The following AP5S1 variants were observed in gnomAD, a reference collection of about 807,000 sequenced individuals.
AP5S1 encodes adaptor related protein complex 5 subunit sigma 1.
AP5S1 carries 13 observed loss-of-function variants against 13.9 expected under a neutral mutation model. The observed-to-expected ratio is 0.94, with a 90% CI of 0.61 to 1.49. The LOEUF is 1.49. Among genes scored for constraint, AP5S1 ranks in the 40% most tolerant of loss-of-function variants. The pLI, the probability that AP5S1 is intolerant of heterozygous loss-of-function variation, is 0.00. For missense variants in AP5S1, 292 were observed against 272.3 expected (o/e 1.07, Z -0.51); for synonymous variants, 132 against 121.8 (o/e 1.08, Z -0.55).
Position 3,826,577 on chromosome 20 carries a change from G to A in AP5S1, c.*2280G>A, listed in dbSNP as rs1266443186. Reference sequence around the variant, plus strand: ...GCTGTGGGAAGTTGAGGTTAGGCGTGGCTGGTGGCCTGGTTCTCATGAGGT... The same window carrying A: ...GCTGTGGGAAGTTGAGGTTAGGCGTAGCTGGTGGCCTGGTTCTCATGAGGT... On this transcript the variant is annotated 3_prime_UTR_variant, in exon 3 of 3. Coordinates refer to ENST00000615891, the MANE Select transcript of AP5S1 (RefSeq NM_018347.3). 2 of 152,246 alleles carry A rather than the reference G, an allele frequency of 1.3e-5. No homozygotes were observed. The highest frequency in any genetic ancestry group is 2.9e-5 in the Non-Finnish European group (2 of 68,078). 9.4% of individuals were successfully genotyped at this position (152,246 alleles called of 1,614,324 possible).
rs1204437312 is a variant in AP5S1 at position 3,827,953 on chromosome 20, G to C, written c.*3656G>C. 6.6e-6 allele frequency: 1 copy of C among 151,806 alleles called. No homozygotes were observed. Among genetic ancestry groups the C allele is most frequent in the Non-Finnish European group, 1.5e-5 (1 of 67,976 alleles). 9.4% of individuals were successfully genotyped at this position (151,806 alleles called of 1,614,324 possible). ...ATTTTTGTATCTTTAGTAGAGACAGGGTTTCACCGTGTTGGCCAGGCTGGT... is the reference window on the plus strand; with the variant it reads ...ATTTTTGTATCTTTAGTAGAGACAGCGTTTCACCGTGTTGGCCAGGCTGGT... On this transcript the variant is annotated 3_prime_UTR_variant, in exon 3 of 3. Coordinates refer to ENST00000615891, the MANE Select transcript of AP5S1 (RefSeq NM_018347.3).
rs2089607243 is a variant in AP5S1, at chr20:3,824,139, C to T, written c.445C>T (p.His149Tyr). Reference sequence around the variant, plus strand: ...GCTGCTGACACGCCTCCTCCTTGACCACCTCCGGCTGCTGGCGCCCAGCAC... The same window carrying T: ...GCTGCTGACACGCCTCCTCCTTGACTACCTCCGGCTGCTGGCGCCCAGCAC... ...LRLLTRLLLD[H>Y]LRLLAPSTSL... Residue 149 changes from histidine (H) to tyrosine (Y), a missense_variant, in exon 3 of 3, where the codon CAC becomes TAC. Transcript: ENST00000615891. 4 of 1,613,888 alleles carry T rather than the reference C, an allele frequency of 2.5e-6. No individual in the cohort carries two copies. The highest frequency in any genetic ancestry group is 3.3e-5 in the Admixed American group (2 of 60,004).
Position 3,824,596 on chromosome 20 carries a change from T to C in AP5S1, c.*299T>C, listed in dbSNP as rs1357060212. The C allele has an allele frequency of 9.7e-6, 4 of 413,978 alleles. No homozygotes were observed. Among genetic ancestry groups the C allele is most frequent in the Non-Finnish European group, 1.8e-5 (4 of 225,610 alleles). The allele number at this position is 413,978 out of a possible 1,614,324, so 25.6% of individuals were successfully genotyped here. ...CTCCATCCCTGCCAGCCGATAGTGCTAGGGTGAGGAGCTGCCTGGAGCTCA... is the reference window on the plus strand; with the variant it reads ...CTCCATCCCTGCCAGCCGATAGTGCCAGGGTGAGGAGCTGCCTGGAGCTCA... On this transcript the variant is annotated 3_prime_UTR_variant, in exon 3 of 3. Transcript: ENST00000615891.
Position 3,828,745 on chromosome 20 carries a change from T to C in AP5S1, c.*4448T>C, listed in dbSNP as rs772065842. 2.6e-5 allele frequency: 4 copies of C among 152,244 alleles called. No homozygotes were observed. Among genetic ancestry groups the C allele is most frequent in the Non-Finnish European group, 4.4e-5 (3 of 68,046 alleles). 9.4% of individuals were successfully genotyped at this position (152,244 alleles called of 1,614,324 possible). On this transcript the variant is annotated 3_prime_UTR_variant, in exon 3 of 3. Transcript: ENST00000615891. ...TTTTGGAAGTACTGCTGAATAGTATTCCATTATGTGGATGTACATTATCTG... is the reference window on the plus strand; with the variant it reads ...TTTTGGAAGTACTGCTGAATAGTATCCCATTATGTGGATGTACATTATCTG...
At position 3,825,309 on chromosome 20, in the gene AP5S1, T is replaced by C. The variant is rs1179356933; in HGVS notation, c.*1012T>C. ...CACTGGCTGTGTGATTTTACCCTCTTTCTGTGAGTTTGATGCGTGCATCCT... is the reference window on the plus strand; with the variant it reads ...CACTGGCTGTGTGATTTTACCCTCTCTCTGTGAGTTTGATGCGTGCATCCT... On this transcript the variant is annotated 3_prime_UTR_variant, in exon 3 of 3. Transcript: ENST00000615891. 1.3e-5 allele frequency: 2 copies of C among 152,258 alleles called. No individual in the cohort carries two copies. Among genetic ancestry groups the C allele is most frequent in the Non-Finnish European group, 2.9e-5 (2 of 68,076 alleles). The allele number at this position is 152,258 out of a possible 1,614,324, so 9.4% of individuals were successfully genotyped here. A position where few individuals can be genotyped will look rare whatever the true frequency, so the allele number is the denominator to read the frequency against.
chr20:3,820,575 G>C lies in AP5S1; in HGVS notation c.-200G>C, dbSNP rs1350414165. 1.3e-5 allele frequency: 2 copies of C among 152,208 alleles called. No individual in the cohort carries two copies. Among genetic ancestry groups the C allele is most frequent in the Non-Finnish European group, 2.9e-5 (2 of 68,036 alleles). 9.4% of individuals were successfully genotyped at this position (152,208 alleles called of 1,614,324 possible). A position where few individuals can be genotyped will look rare whatever the true frequency, so the allele number is the denominator to read the frequency against. ...GCCGCCATTGCTCTCCTGCCACGGA[G>C]GGGAGCGCTTGGTGGCAGTCCGCGG... On this transcript the variant is annotated 5_prime_UTR_variant, in exon 1 of 3. Transcript: ENST00000615891.
chr20:3,822,053 C>T (rs1042436947), intron 1 of AP5S1, 49 bp from the exon 2 acceptor site: 5 of 1,575,800 alleles, frequency 3.2e-6, no homozygotes, highest in African/African-American at 1.3e-5. Flanking sequence ...GGTCGCCTCT[C>T]CTGCTGGGGT....
In AP5S1 at chr20:3,826,632, GA is replaced by G. The variant is rs1455236755; in HGVS notation, c.*2336del. The G allele has an allele frequency of 2.6e-5, 4 of 152,236 alleles. No individual in the cohort carries two copies. Among genetic ancestry groups the G allele is most frequent in the Non-Finnish European group, 5.9e-5 (4 of 68,076 alleles). 9.4% of individuals were successfully genotyped at this position (152,236 alleles called of 1,614,324 possible). A position where few individuals can be genotyped will look rare whatever the true frequency, so the allele number is the denominator to read the frequency against. On this transcript the variant is annotated 3_prime_UTR_variant, in exon 3 of 3. Transcript: ENST00000615891. ...CAAACTGATGGACAAGAGAATAGTA[GA>G]GACTGAGACCACACCGTGGGGCTGC...
In AP5S1 at chr20:3,828,255, A is replaced by G. The variant is rs2089635592; in HGVS notation, c.*3958A>G. The G allele has an allele frequency of 6.6e-6, 1 of 152,232 alleles. No homozygotes were observed. Among genetic ancestry groups the G allele is most frequent in the Non-Finnish European group, 1.5e-5 (1 of 68,044 alleles). The allele number at this position is 152,232 out of a possible 1,614,324, so 9.4% of individuals were successfully genotyped here. A position where few individuals can be genotyped will look rare whatever the true frequency, so the allele number is the denominator to read the frequency against. On this transcript the variant is annotated 3_prime_UTR_variant, in exon 3 of 3. Coordinates refer to ENST00000615891, the MANE Select transcript of AP5S1 (RefSeq NM_018347.3). ...TTTTAGGTTCACAGTAAAACTGAGC[A>G]GAGGGTACAGAGAGTTCTCATTTAC...
rs2089588216 is a variant in AP5S1, at chr20:3,822,182, G to A, written c.65G>A (p.Arg22Gln). ...AATACTGAGGACACGGGCCTTTGCCGAGTGCTGTACTCCTGCGTCTTCGGT... is the reference window on the plus strand; with the variant it reads ...AATACTGAGGACACGGGCCTTTGCCAAGTGCTGTACTCCTGCGTCTTCGGT... ...APNTEDTGLC[R>Q]VLYSCVFGAE... Residue 22 changes from arginine (R) to glutamine (Q), a missense_variant, in exon 2 of 3, where the codon CGA becomes CAA. Coordinates refer to ENST00000615891, the MANE Select transcript of AP5S1 (RefSeq NM_018347.3). The A allele has an allele frequency of 6.2e-6, 10 of 1,614,144 alleles. No homozygotes were observed. The highest frequency in any genetic ancestry group is 6.8e-6 in the Non-Finnish European group (8 of 1,180,034).
At position 3,822,087 on chromosome 20, in the gene AP5S1, C is replaced by G. The variant is rs531432303; in HGVS notation, c.-16-15C>G. 1.1e-5 allele frequency: 18 copies of G among 1,606,678 alleles called. No individual in the cohort carries two copies. The highest frequency in any genetic ancestry group is 6.7e-5 in the African/African-American group (5 of 74,888). ...GTTCACTCTCACCTTACCAATGTCTCTGGCTTCCCTGTAGCACCCACCCTG... is the reference window on the plus strand; with the variant it reads ...GTTCACTCTCACCTTACCAATGTCTGTGGCTTCCCTGTAGCACCCACCCTG... On this transcript the variant is annotated splice_polypyrimidine_tract_variant and intron_variant, in intron 1 of 2. Transcript: ENST00000615891.
At position 3,825,891 on chromosome 20, in the gene AP5S1, T is replaced by C. The variant is rs2089621651; in HGVS notation, c.*1594T>C. On this transcript the variant is annotated 3_prime_UTR_variant, in exon 3 of 3. Transcript: ENST00000615891. ...ATGTTGAGTCCCAAAGGGATATGGG[T>C]GGGGTACCAAAAGTCGGTGGTTAGG... 1 of 142,360 alleles carries C rather than the reference T, an allele frequency of 7.0e-6. No individual in the cohort carries two copies. Among genetic ancestry groups the C allele is most frequent in the Non-Finnish European group, 1.5e-5 (1 of 66,792 alleles). The allele number at this position is 142,360 out of a possible 1,614,324, so 8.8% of individuals were successfully genotyped here. A position where few individuals can be genotyped will look rare whatever the true frequency, so the allele number is the denominator to read the frequency against.
In AP5S1 at chr20:3,824,687, C is replaced by T. The variant is rs2089612486; in HGVS notation, c.*390C>T. On this transcript the variant is annotated 3_prime_UTR_variant, in exon 3 of 3. Coordinates refer to ENST00000615891, the MANE Select transcript of AP5S1 (RefSeq NM_018347.3). ...GTGGCTCACGCCTGTAATCCCAGCA[C>T]TTTGCGGGGCTGAGGTGGTTGGACC... 1 of 209,812 alleles carries T rather than the reference C, an allele frequency of 4.8e-6. No homozygotes were observed. Among genetic ancestry groups the T allele is most frequent in the Non-Finnish European group, 9.6e-6 (1 of 103,808 alleles). The allele number at this position is 209,812 out of a possible 1,614,324, so 13.0% of individuals were successfully genotyped here.
intron 2 of AP5S1, chr20:3,823,460 C>A (rs1299510713): frequency 2.5e-6 from 2 of 793,024 alleles, no homozygotes; most frequent in Non-Finnish European, 3.1e-6. Context: ...ACTATGTTAG[C>A]CAGGATGGTC....
chr20:3,822,024 C>G (rs1242976775), intron 1 of AP5S1, 78 bp from the exon 2 acceptor site: 1 of 1,508,366 alleles, frequency 6.6e-7, no homozygotes, highest in East Asian at 2.4e-5. Context: ...CAGACACTGC[C>G]AGGTCAGCCC....
At position 3,827,612 on chromosome 20, in the gene AP5S1, CACT is replaced by C. The variant is rs1344001662; in HGVS notation, c.*3316_*3318del. The C allele has an allele frequency of 6.6e-6, 1 of 152,106 alleles. No homozygotes were observed. The highest frequency in any genetic ancestry group is 1.5e-5 in the Non-Finnish European group (1 of 68,048). The allele number at this position is 152,106 out of a possible 1,614,324, so 9.4% of individuals were successfully genotyped here. A position where few individuals can be genotyped will look rare whatever the true frequency, so the allele number is the denominator to read the frequency against. ...GGAACTGGCCTGCATGTATGTGGGT[CACT>C]GATTGGGTCACATACACTGCATGTA... On this transcript the variant is annotated 3_prime_UTR_variant, in exon 3 of 3. Transcript: ENST00000615891.
chr20:3,823,876 T>TA lies in AP5S1; in HGVS notation c.183dup (p.Glu62ArgfsTer25). 1 of 1,598,882 alleles carries TA rather than the reference T, an allele frequency of 6.3e-7. No individual in the cohort carries two copies. ...GACCTGCCCACTCTCCCCAGGCAGGTAGAGTCAATGTGTCGGCTGCAGCAG... is the reference window on the plus strand; with the variant it reads ...GACCTGCCCACTCTCCCCAGGCAGGTAAGAGTCAATGTGTCGGCTGCAGCAG... On this transcript the variant is annotated frameshift_variant, in exon 3 of 3. Transcript: ENST00000615891. LOFTEE classifies it high-confidence loss of function.
intron 1 of AP5S1, 29 bp from the exon 2 acceptor site, chr20:3,822,073 C>A: frequency 6.2e-7 from 1 of 1,602,058 alleles, no homozygotes; most frequent in Non-Finnish European, 8.5e-7. Flanking sequence ...TTCACTCTCA[C>A]CTTACCAATG....
chr20:3,821,072 A>T (rs1311498135), intron 1 of AP5S1, among the ~76,000 whole-genome samples: 6 of 152,182 alleles, frequency 3.9e-5, no homozygotes, highest in African/African-American at 1.4e-4. Context: ...TCCTGTATGC[A>T]CTTGGATGAG....
Sources: allele counts gnomAD v4.1 joint callset (sites outside exome capture counted in the v4.1 genomes callset), GRCh38; gene constraint gnomAD v4.1.1; transcripts MANE v1.5; gene names NCBI Gene and HGNC (gene_info 2026-07-23, HGNC 2026-07-21).